Variants in C1QTNF9 observed in about 807,000 individuals in gnomAD.
The protein encoded by C1QTNF9 is C1q and TNF related 9, also known as complement C1q and tumor necrosis factor-related protein 9A.
A neutral mutation model predicts 10.1 loss-of-function variants in C1QTNF9; 6 were observed. That is an observed-to-expected ratio of 0.59 (90% CI 0.32 to 1.17). C1QTNF9 has a LOEUF of 1.17. C1QTNF9 is among the 50% of genes most tolerant of loss of function. The pLI is 0.04. For synonymous variants in C1QTNF9, 98 were observed against 163.5 expected (o/e 0.60, Z 3.06); for missense variants, 201 against 418.8 (o/e 0.48, Z 4.54).
At chr13:24,313,589 G>T (rs1256794504) in intron 1 of C1QTNF9, among the ~76,000 whole-genome samples, 1 of 152,168 alleles carries the variant, frequency 6.6e-6, no homozygotes, top group East Asian at 1.9e-4. Flanking sequence ...TTGTGACTTC[G>T]AAGGGAAGCA....
chr13:24,308,075 G>A (rs1877666085), upstream of C1QTNF9, among the ~76,000 whole-genome samples: 1 of 152,236 alleles, frequency 6.6e-6, no homozygotes, highest in Non-Finnish European at 1.5e-5. Flanking sequence ...GCCTCTCCGC[G>A]TGGCTGGGCT....
At chr13:24,318,011 A>G (rs1878107132) in intron 2 of C1QTNF9, among the ~76,000 whole-genome samples, 1 of 152,084 alleles carries the variant, frequency 6.6e-6, no homozygotes, top group South Asian at 2.1e-4. Context: ...CTGTCTCAGG[A>G]CCTGCAAGCC....
At chr13:24,308,908 A>G (rs1877704007), upstream of C1QTNF9, among the ~76,000 whole-genome samples, 1 of 152,162 alleles carries the variant, frequency 6.6e-6, no homozygotes, top group Non-Finnish European at 1.5e-5. Flanking sequence ...ACTGGCATTG[A>G]ACAAATGGTT....
upstream of C1QTNF9, among the ~76,000 whole-genome samples, chr13:24,309,301 ATATAT>A (rs1486776412): frequency 5.5e-4 from 78 of 142,516 alleles, 4 homozygotes; most frequent in African/African-American, 2.0e-3. Context: ...ATATATATAT[ATATAT>A]ATGAAAGAAA....
At chr13:24,319,616 G>C (rs577039026) in intron 3 of C1QTNF9, among the ~76,000 whole-genome samples, 6 of 152,154 alleles carry the variant, frequency 3.9e-5, no homozygotes, top group Non-Finnish European at 7.4e-5. Flanking sequence ...TGTTTAGCTT[G>C]CGGGAGGGAG....
At chr13:24,311,053 G>A (rs563862425) in intron 1 of C1QTNF9, among the ~76,000 whole-genome samples, 4 of 152,226 alleles carry the variant, frequency 2.6e-5, no homozygotes, top group South Asian at 4.2e-4. Flanking sequence ...GAGGGCATTC[G>A]TCCTTTCCAG....
intron 2 of C1QTNF9, among the ~76,000 whole-genome samples, chr13:24,316,623 C>T (rs1878049775): frequency 1.3e-5 from 2 of 152,196 alleles, no homozygotes; most frequent in Admixed American, 1.3e-4. Flanking sequence ...CGCATCATGC[C>T]ATGAAGCAGG....
At chr13:24,318,694 A>T in intron 2 of C1QTNF9, 124 bp from the exon 3 acceptor site, 1 of 1,268,548 alleles carries the variant, frequency 7.9e-7, no homozygotes. Flanking sequence ...TGTGGAGGAC[A>T]GAGTGCCCGT....
At chr13:24,314,520 T>C (rs780828796) in intron 1 of C1QTNF9, among the ~76,000 whole-genome samples, 65 of 152,102 alleles carry the variant, frequency 4.3e-4, no homozygotes, top group Non-Finnish European at 9.0e-4. Context: ...CCGTCTCTAC[T>C]AAAAATACAA....
At chr13:24,309,803 G>C (rs927558640) in intron 1 of C1QTNF9, among the ~76,000 whole-genome samples, 187 bp downstream of exon 1, 7 of 152,194 alleles carry the variant, frequency 4.6e-5, no homozygotes, top group Admixed American at 2.0e-4. Context: ...GGCTAAAGAG[G>C]AGATAAAAGC....
In C1QTNF9 at chr13:24,315,905, A is replaced by G. The variant is rs1409024236; in HGVS notation, c.-22-77A>G. ...GCAGGGGACAGCTCATCCATTTCCC[A>G]CTGCACGGAACAGAGGCTGTGTCCA... On this transcript the variant is annotated intron_variant, in intron 1 of 3. Transcript: ENST00000332018. The G allele has an allele frequency of 5.3e-6, 8 of 1,509,570 alleles. No homozygotes were observed. In the African/African-American group the frequency reaches 9.7e-5, roughly 18 times the overall value. The allele number at this position is 1,509,570 out of a possible 1,614,324, so 93.5% of individuals were successfully genotyped here.
chr13:24,310,889 G>A (rs1278557467), intron 1 of C1QTNF9, among the ~76,000 whole-genome samples: 4 of 142,062 alleles, frequency 2.8e-5, no homozygotes, highest in Non-Finnish European at 6.0e-5. Context: ...TCCAGCCTGG[G>A]CAACAGAGCG....
chr13:24,318,279 G>T (rs3854476), intron 2 of C1QTNF9, among the ~76,000 whole-genome samples: 1 of 152,294 alleles, frequency 6.6e-6, no homozygotes, highest in African/African-American at 2.4e-5. Context: ...CTTGATTGGT[G>T]GCATTTCCCC....
upstream of C1QTNF9, among the ~76,000 whole-genome samples, chr13:24,308,805 G>A (rs1053799029): frequency 9.2e-5 from 14 of 152,180 alleles, no homozygotes; most frequent in African/African-American, 3.4e-4. Flanking sequence ...GCGGCATCTC[G>A]GGAAACCGGG....
intron 2 of C1QTNF9, 95 bp from the exon 3 acceptor site, chr13:24,318,723 C>G: frequency 6.4e-7 from 1 of 1,574,606 alleles, no homozygotes; most frequent in Non-Finnish European, 8.7e-7. Context: ...GGGTCACCCC[C>G]AGACTCTCCA....
chr13:24,315,912 G>A lies in C1QTNF9; in HGVS notation c.-22-70G>A, dbSNP rs114252282. The A allele has an allele frequency of 0.12, 182,979 of 1,544,540 alleles. 11,735 individuals carry two copies. Among genetic ancestry groups the A allele is most frequent in the Middle Eastern group, 0.19 (1,124 of 5,792 alleles). On this transcript the variant is annotated intron_variant, in intron 1 of 3. Transcript: ENST00000332018. ...ACAGCTCATCCATTTCCCACTGCAC[G>A]GAACAGAGGCTGTGTCCAGGGCCCC... is the stretch of plus-strand genomic sequence containing the variant.
chr13:24,315,154 A>T (rs1489641733), intron 1 of C1QTNF9, among the ~76,000 whole-genome samples: 1 of 152,088 alleles, frequency 6.6e-6, no homozygotes, highest in African/African-American at 2.4e-5. Context: ...CATCTCCAGA[A>T]CTCTTTTAAA....
upstream of C1QTNF9, among the ~76,000 whole-genome samples, chr13:24,309,220 G>A (rs1166581755): frequency 6.8e-6 from 1 of 147,970 alleles, no homozygotes; most frequent in East Asian, 2.0e-4. Context: ...ACACCAACAT[G>A]GCTCATGTAT....
At chr13:24,310,394 G>A (rs1034400127) in intron 1 of C1QTNF9, among the ~76,000 whole-genome samples, 50 of 145,450 alleles carry the variant, frequency 3.4e-4, no homozygotes, top group African/African-American at 1.1e-3. Context: ...CTCGTGATCC[G>A]CCTGCCTCGG....
Sources: gnomAD v4.1 joint callset for allele counts (sites outside exome capture counted in the v4.1 genomes callset) on GRCh38, gnomAD v4.1.1 for gene constraint, MANE v1.5 for transcripts, NCBI Gene and HGNC (gene_info 2026-07-23, HGNC 2026-07-21) for gene names.